PTER: variants seen among roughly 807,000 people sequenced by gnomAD.
The protein encoded by PTER is N-acetyltaurine hydrolase.
A neutral mutation model predicts 29.6 loss-of-function variants in PTER; 38 were observed. That is an observed-to-expected ratio of 1.28 (90% CI 0.99 to 1.68). The LOEUF (loss-of-function observed/expected upper bound fraction) is 1.68, where lower values mean the gene tolerates loss of function less well. Ranked by LOEUF, PTER falls within the 40% of genes most tolerant of loss-of-function variation. The pLI is 0.00. For synonymous variants in PTER, 172 were observed against 154.5 expected (o/e 1.11, Z -0.84); for missense variants, 482 against 427.8 (o/e 1.13, Z -1.12).
chr10:16,503,133 C>T (rs1163380631), intron 3 of PTER, among the ~76,000 whole-genome samples: 1 of 120,482 alleles, frequency 8.3e-6, no homozygotes, highest in Non-Finnish European at 1.6e-5. Flanking sequence ...GTTGGCCAGG[C>T]TGGTCTCAAA....
Position 16,513,126 on chromosome 10 carries a change from G to A in PTER, c.*1870G>A. ...ACAGAATGCAGTTAAAGTATTGATT[G>A]GCATATGGTAATAGAGCAACCATAG... is the stretch of plus-strand genomic sequence containing the variant. On this transcript the variant is annotated 3_prime_UTR_variant, in exon 5 of 5. Coordinates refer to ENST00000535784, the MANE Select transcript of PTER (RefSeq NM_001261836.2). 6.6e-6 allele frequency: 1 copy of A among 152,098 alleles called. No individual in the cohort carries two copies. 9.4% of individuals were successfully genotyped at this position (152,098 alleles called of 1,614,324 possible).
At chr10:16,465,173 T>G (rs1834762254) in intron 1 of PTER, among the ~76,000 whole-genome samples, 1 of 152,172 alleles carries the variant, frequency 6.6e-6, no homozygotes. Context: ...TCCTGACATT[T>G]ACTGCACTCT....
chr10:16,509,820 T>C (rs1334415178), intron 4 of PTER, among the ~76,000 whole-genome samples: 1 of 152,206 alleles, frequency 6.6e-6, no homozygotes, highest in East Asian at 1.9e-4. Context: ...GGTTCTTCTC[T>C]GCTAGTGCTT....
chr10:16,470,031 T>C (rs1373765509), intron 1 of PTER, among the ~76,000 whole-genome samples: 3 of 152,180 alleles, frequency 2.0e-5, no homozygotes, highest in Admixed American at 2.0e-4. Flanking sequence ...AAGGTTGCTA[T>C]CTATTGTTAT....
chr10:16,484,881 T>C (rs1835633562), intron 2 of PTER, 65 bp downstream of exon 2: 1 of 1,490,788 alleles, frequency 6.7e-7, no homozygotes, highest in Admixed American at 2.4e-5. Context: ...ACCTTGGAAA[T>C]GCCCTGGGTT....
intron 1 of PTER, among the ~76,000 whole-genome samples, chr10:16,473,518 CG>C (rs1835132858): frequency 1.6e-5 from 1 of 61,864 alleles, no homozygotes; most frequent in Non-Finnish European, 3.2e-5. Flanking sequence ...AGACTCCATC[CG>C]AAAAAAAAAA....
rs929465705 is a variant in PTER at position 16,466,193 on chromosome 10, G to A, written c.-48-18144G>A. Among the ~76,000 whole-genome samples the A allele has an allele frequency of 2.0e-5, 3 of 152,236 alleles. No homozygotes were observed. In the East Asian group the frequency reaches 5.8e-4, roughly 29 times the overall value. On this transcript the variant is annotated intron_variant, in intron 1 of 4. Coordinates refer to ENST00000535784, the MANE Select transcript of PTER (RefSeq NM_001261836.2). The stretch of plus-strand genomic sequence containing the variant: ...TTATGGTGTTGACTTTCCCAGGCAG[G>A]TGTCCAGGCAGGCAGCAGACCAGAG...
intron 1 of PTER, among the ~76,000 whole-genome samples, chr10:16,457,190 T>C (rs1588590879): frequency 6.6e-6 from 1 of 150,528 alleles, no homozygotes; most frequent in Non-Finnish European, 1.5e-5. Flanking sequence ...TTTAACCCTT[T>C]AGTTGTTTTG....
chr10:16,470,412 A>G (rs1397458226), intron 1 of PTER, among the ~76,000 whole-genome samples: 1 of 152,240 alleles, frequency 6.6e-6, no homozygotes, highest in Non-Finnish European at 1.5e-5. Flanking sequence ...TGCTTAATAC[A>G]TATTTATCAA....
intron 1 of PTER, among the ~76,000 whole-genome samples, chr10:16,439,465 T>G (rs1053784972): frequency 6.6e-6 from 1 of 152,188 alleles, no homozygotes; most frequent in Non-Finnish European, 1.5e-5. Context: ...TACATGACCG[T>G]GTACTCAGTG....
At chr10:16,501,092 A>G (rs951712604) in intron 3 of PTER, among the ~76,000 whole-genome samples, 15 of 151,932 alleles carry the variant, frequency 9.9e-5, no homozygotes, top group African/African-American at 3.6e-4. Context: ...CACCACACCC[A>G]GTTAATTTTT....
intron 3 of PTER, 63 bp downstream of exon 3, chr10:16,486,680 G>A (rs1466754260): frequency 6.6e-7 from 1 of 1,508,810 alleles, no homozygotes; most frequent in East Asian, 2.3e-5. Flanking sequence ...ATCAAATTAA[G>A]AATCTACAGT....
At chr10:16,479,295 T>C (rs1244379527) in intron 1 of PTER, among the ~76,000 whole-genome samples, 1 of 152,274 alleles carries the variant, frequency 6.6e-6, no homozygotes, top group Middle Eastern at 3.4e-3. Flanking sequence ...TGTTTAATAT[T>C]AAAAGTTATA....
chr10:16,511,058 G>A lies in PTER; in HGVS notation c.852G>A (p.Leu284=), dbSNP rs1836790028. The A allele has an allele frequency of 6.2e-7, 1 of 1,613,120 alleles. No homozygotes were observed. Among genetic ancestry groups the A allele is most frequent in the Non-Finnish European group, 8.5e-7 (1 of 1,179,508 alleles). ...ACATTTTTCACAGGGTGCGTCTCCT[G>A]GTGGAAGAGGGCTGTGAAGATCGAA... ...DNKRIRRVRL[L]VEEGCEDRIL... The change falls in exon 5 of 5, where the codon CTG becomes CTA. Residue 284 remains leucine, a synonymous_variant. Coordinates refer to ENST00000535784, the MANE Select transcript of PTER (RefSeq NM_001261836.2).
At chr10:16,501,349 A>T (rs1266717048) in intron 3 of PTER, among the ~76,000 whole-genome samples, 1 of 121,528 alleles carries the variant, frequency 8.2e-6, no homozygotes, top group Non-Finnish European at 1.7e-5. Context: ...ACACACACAC[A>T]CACACACACA....
intron 1 of PTER, among the ~76,000 whole-genome samples, chr10:16,468,167 C>G (rs944700744): frequency 2.6e-5 from 4 of 152,108 alleles, no homozygotes; most frequent in Admixed American, 6.6e-5. Context: ...CATGGCGAAA[C>G]CCCGTCTCTA....
intron 1 of PTER, among the ~76,000 whole-genome samples, chr10:16,478,367 C>T (rs1255226681): frequency 1.4e-5 from 2 of 141,710 alleles, no homozygotes; most frequent in African/African-American, 2.7e-5. Context: ...GAGTGTTGCT[C>T]TTGTTGCCCA....
At chr10:16,490,469 C>A (rs1357204842) in intron 3 of PTER, among the ~76,000 whole-genome samples, 2 of 152,000 alleles carry the variant, frequency 1.3e-5, no homozygotes, top group Non-Finnish European at 2.9e-5. Flanking sequence ...AGTTCAAGCC[C>A]AAGCTCTGTC....
intron 3 of PTER, among the ~76,000 whole-genome samples, chr10:16,494,409 C>T (rs1836015316): frequency 6.6e-6 from 1 of 152,000 alleles, no homozygotes; most frequent in South Asian, 2.1e-4. Context: ...CTTTAGCGAC[C>T]CAAGCAGTCA....
Sources: allele counts gnomAD v4.1 joint callset (sites outside exome capture counted in the v4.1 genomes callset), GRCh38; gene constraint gnomAD v4.1.1; transcripts MANE v1.5; gene names NCBI Gene and HGNC (gene_info 2026-07-23, HGNC 2026-07-21).